NFIA: variants seen among roughly 807,000 people sequenced by gnomAD.
NFIA encodes nuclear factor I A.
NFIA carries 8 observed loss-of-function variants against 62.8 expected under a neutral mutation model. The observed-to-expected ratio is 0.13, with a 90% CI of 0.07 to 0.23. The LOEUF (loss-of-function observed/expected upper bound fraction) is 0.23, where lower values mean the gene tolerates loss of function less well. Among genes scored for constraint, NFIA ranks in the 10% least tolerant of loss-of-function variants. The probability of loss-of-function intolerance (pLI) is 1.00; values close to 1 mark genes in which losing one functional copy is unlikely to be tolerated. For synonymous variants in NFIA, 235 were observed against 238.1 expected (o/e 0.99, Z 0.12); for missense variants, 410 against 642.1 (o/e 0.64, Z 3.91).
At chr1:61,453,806 C>G (rs147216200) in intron 10 of NFIA, among the ~76,000 whole-genome samples, 300 of 152,296 alleles carry the variant, frequency 2.0e-3, no homozygotes, top group African/African-American at 6.3e-3. Flanking sequence ...TCTCCTTTCT[C>G]TCCCCCTCTT....
intron 3 of NFIA, among the ~76,000 whole-genome samples, chr1:61,310,289 C>A (rs865904440): frequency 1.3e-5 from 2 of 152,192 alleles, no homozygotes; most frequent in African/African-American, 2.4e-5. Flanking sequence ...GATAAAGGGG[C>A]TCAACTCTCT....
At chr1:61,213,193 C>T (rs1469337531) in intron 2 of NFIA, among the ~76,000 whole-genome samples, 1 of 152,142 alleles carries the variant, frequency 6.6e-6, no homozygotes, top group Non-Finnish European at 1.5e-5. Flanking sequence ...TATGAAAATG[C>T]TGTGGTTCCT....
At chr1:61,173,398 C>CTT (rs1258763082) in intron 2 of NFIA, among the ~76,000 whole-genome samples, 1 of 152,068 alleles carries the variant, frequency 6.6e-6, no homozygotes, top group East Asian at 1.9e-4. Context: ...CTTTTCTTTT[C>CTT]TTTTCTTTTT....
rs193087925 is a variant in NFIA, at chr1:61,229,341, T to C, written c.560-48179T>C. Among the ~76,000 whole-genome samples the C allele has an allele frequency of 2.2e-4, 33 of 152,314 alleles. No individual in the cohort carries two copies. In the East Asian group the frequency reaches 5.6e-3, roughly 26 times the overall value. On this transcript the variant is annotated intron_variant, in intron 2 of 10. Transcript: ENST00000403491. ...CATATATTCTGAAAATAAATATCTT[T>C]TGTATTTATGCTTGAAATTTTGTGA... is the stretch of plus-strand genomic sequence containing the variant.
At chr1:61,398,790 A>G (rs775788204) in intron 7 of NFIA, among the ~76,000 whole-genome samples, 2 of 152,180 alleles carry the variant, frequency 1.3e-5, no homozygotes, top group Admixed American at 6.5e-5. Context: ...GCTTTCATCA[A>G]TGGCAGGCCT....
At chr1:61,451,092 G>A (rs1017007875) in intron 10 of NFIA, among the ~76,000 whole-genome samples, 2 of 152,154 alleles carry the variant, frequency 1.3e-5, no homozygotes, top group African/African-American at 4.8e-5. Context: ...GTACGAAATG[G>A]AAGAGATTGG....
At chr1:61,441,002 C>A (rs1157960528) in intron 10 of NFIA, among the ~76,000 whole-genome samples, 1 of 152,026 alleles carries the variant, frequency 6.6e-6, no homozygotes, top group African/African-American at 2.4e-5. Flanking sequence ...AAAGTAGCAC[C>A]TCCAAATAAG....
At chr1:61,414,747 A>G (rs1666277802) in intron 9 of NFIA, among the ~76,000 whole-genome samples, 1 of 152,172 alleles carries the variant, frequency 6.6e-6, no homozygotes, top group Non-Finnish European at 1.5e-5. Context: ...AGAATGAAAA[A>G]AAAGGAGTTA....
At chr1:61,098,838 T>G (rs1478436085) in intron 2 of NFIA, among the ~76,000 whole-genome samples, 1 of 152,164 alleles carries the variant, frequency 6.6e-6, no homozygotes, top group Non-Finnish European at 1.5e-5. Context: ...TTCAGTAAAA[T>G]GAAGTGGGAA....
intron 6 of NFIA, among the ~76,000 whole-genome samples, chr1:61,373,130 G>C (rs551811813): frequency 6.9e-4 from 105 of 152,244 alleles, no homozygotes; most frequent in South Asian, 2.1e-3. Flanking sequence ...CTTTCTCTGT[G>C]ATTCAAAGGC....
In NFIA at chr1:61,186,450, A is replaced by G. The variant is rs11799373; in HGVS notation, c.560-91070A>G. On this transcript the variant is annotated intron_variant, in intron 2 of 10. Coordinates refer to ENST00000403491, the MANE Select transcript of NFIA (RefSeq NM_001134673.4). The stretch of plus-strand genomic sequence containing the variant: ...CAGTGTGGCGGCTCAGTACTAGGCA[A>G]TGGGCGTGCAACTGTGATGAGAAAC... 9.1e-3 allele frequency among the ~76,000 whole-genome samples: 1,387 copies of G among 152,268 alleles called. 20 individuals carry two copies. The highest frequency in any genetic ancestry group is 0.032 in the African/African-American group (1,323 of 41,542).
intron 4 of NFIA, among the ~76,000 whole-genome samples, chr1:61,346,302 G>A (rs1662224204): frequency 6.6e-6 from 1 of 152,148 alleles, no homozygotes; most frequent in South Asian, 2.1e-4. Flanking sequence ...CGTTTTTATA[G>A]CACACCAGAA....
At chr1:61,363,019 T>A (rs1663382882) in intron 6 of NFIA, among the ~76,000 whole-genome samples, 1 of 152,218 alleles carries the variant, frequency 6.6e-6, no homozygotes, top group African/African-American at 2.4e-5. Context: ...ATGGAAAAAT[T>A]CTAGTTACAA....
chr1:61,301,134 C>A (rs1659474721), intron 3 of NFIA, among the ~76,000 whole-genome samples: 1 of 151,844 alleles, frequency 6.6e-6, no homozygotes, highest in Non-Finnish European at 1.5e-5. Context: ...ATGTAAATTT[C>A]TCACGTAGAA....
intron 3 of NFIA, among the ~76,000 whole-genome samples, chr1:61,309,271 A>G (rs1335190907): frequency 6.7e-6 from 1 of 148,982 alleles, no homozygotes. Flanking sequence ...TGTCCTACGA[A>G]TCTTGGAGTC....
chr1:61,297,763 T>C (rs572144054), intron 3 of NFIA, among the ~76,000 whole-genome samples: 1 of 152,288 alleles, frequency 6.6e-6, no homozygotes, highest in African/African-American at 2.4e-5. Flanking sequence ...GTGCTCTAAC[T>C]GTGAAACAAA....
chr1:61,461,772 T>C lies in NFIA; in HGVS notation c.*6452T>C. On this transcript the variant is annotated 3_prime_UTR_variant, in exon 11 of 11. Coordinates refer to ENST00000403491, the MANE Select transcript of NFIA (RefSeq NM_001134673.4). The stretch of plus-strand genomic sequence containing the variant: ...GAACCACAAGAGCATACAGTGGAAG[T>C]GCTACCTCTAATCTAACCAGAGCAC... 6.6e-6 allele frequency: 1 copy of C among 152,212 alleles called. No homozygotes were observed. The highest frequency in any genetic ancestry group is 1.9e-4 in the East Asian group (1 of 5,198). The allele number at this position is 152,212 out of a possible 1,614,324, so 9.4% of individuals were successfully genotyped here.
intron 2 of NFIA, among the ~76,000 whole-genome samples, chr1:61,244,379 T>C (rs903926658): frequency 6.6e-6 from 1 of 152,220 alleles, no homozygotes; most frequent in African/African-American, 2.4e-5. Flanking sequence ...GCCAAGGCCT[T>C]AGACACTGTC....
intron 2 of NFIA, among the ~76,000 whole-genome samples, chr1:61,093,005 A>G (rs1327219475): frequency 1.3e-5 from 2 of 152,232 alleles, no homozygotes; most frequent in African/African-American, 4.8e-5. Flanking sequence ...TAAGGTTTTC[A>G]GTGCATATAG....
Sources: allele counts gnomAD v4.1 joint callset (sites outside exome capture counted in the v4.1 genomes callset), GRCh38; gene constraint gnomAD v4.1.1; transcripts MANE v1.5; gene names NCBI Gene and HGNC (gene_info 2026-07-23, HGNC 2026-07-21).